The following RBM19 variants were observed in gnomAD, a reference collection of about 807,000 sequenced individuals.
RBM19 encodes probable RNA-binding protein 19.
Under a neutral mutation model 116.8 loss-of-function variants are expected in RBM19, and 94 were observed. The observed-to-expected ratio is 0.80, with a 90% CI of 0.68 to 0.95. RBM19 has a LOEUF of 0.95. Ranked by LOEUF, RBM19 falls within the 40% of genes least tolerant of loss-of-function variation. The pLI is 0.00. For missense variants in RBM19, 1,161 were observed against 1,220.7 expected (o/e 0.95, Z 0.73); for synonymous variants, 475 against 494.1 (o/e 0.96, Z 0.51).
rs1882914371 is a variant in RBM19 at position 113,918,449 on chromosome 12, TAA to T, written c.2386-4_2386-3del. The T allele has an allele frequency of 6.2e-7, 1 of 1,614,126 alleles. No homozygotes were observed. Among genetic ancestry groups the T allele is most frequent in the South Asian group, 1.1e-5 (1 of 91,074 alleles). ...CTTGTGGCCGTCCACGACGTGACCC[TAA>T]GAGAGAAGACAACATGGCTCATCTC... On this transcript the variant is annotated splice_polypyrimidine_tract_variant and splice_region_variant and intron_variant, in intron 19 of 23. Transcript: ENST00000261741.
intron 7 of RBM19, among the ~76,000 whole-genome samples, chr12:113,953,016 A>G (rs4503591): frequency 0.16 from 24,970 of 152,162 alleles, 2,795 homozygotes; most frequent in African/African-American, 0.32. Context: ...TGAATGGTTG[A>G]TACTGAAAGA....
intron 15 of RBM19, among the ~76,000 whole-genome samples, chr12:113,939,179 G>T (rs970708715): frequency 6.6e-6 from 1 of 152,138 alleles, no homozygotes; most frequent in Admixed American, 6.5e-5. Flanking sequence ...GGTGGTGCAT[G>T]CCTGTAGTCT....
chr12:113,837,810 G>A (rs143291804), intron 23 of RBM19, among the ~76,000 whole-genome samples: 4 of 152,302 alleles, frequency 2.6e-5, no homozygotes, highest in Admixed American at 6.5e-5. Flanking sequence ...AGAGGATTGC[G>A]ACAGTACAGT....
intron 2 of RBM19, among the ~76,000 whole-genome samples, chr12:113,960,663 C>T (rs572448646): frequency 6.6e-6 from 1 of 152,224 alleles, no homozygotes; most frequent in East Asian, 1.9e-4. Flanking sequence ...GTGAGGATGG[C>T]ATGAGATGAC....
At chr12:113,896,085 T>C (rs926082914) in intron 21 of RBM19, among the ~76,000 whole-genome samples, 1 of 152,082 alleles carries the variant, frequency 6.6e-6, no homozygotes, top group Non-Finnish European at 1.5e-5. Flanking sequence ...TAGGCTGTTT[T>C]TGAATGTCAA....
chr12:113,832,890 T>C (rs1199214569), intron 23 of RBM19, among the ~76,000 whole-genome samples: 1 of 152,204 alleles, frequency 6.6e-6, no homozygotes, highest in Non-Finnish European at 1.5e-5. Flanking sequence ...AAGGCTGACG[T>C]GGGGATAACG....
chr12:113,873,690 A>T (rs1337970891), intron 21 of RBM19, among the ~76,000 whole-genome samples: 880 of 28,098 alleles, frequency 0.031, 8 homozygotes, highest in African/African-American at 0.066. Context: ...AAAATAAATT[A>T]AAAAAAAAAA....
At chr12:113,923,259 G>T (rs1032740972) in intron 18 of RBM19, among the ~76,000 whole-genome samples, 1 of 152,156 alleles carries the variant, frequency 6.6e-6, no homozygotes, top group Non-Finnish European at 1.5e-5. Context: ...ATAGAAGGAG[G>T]ATGCCCTGTG....
Position 113,825,571 on chromosome 12 carries a change from G to A in RBM19, c.2786-2250C>T, listed in dbSNP as rs939815474. ...CCATCTGCTAATATGAGTTGGGGAT[G>A]GCAGCTCACTCCTGGGGCAGGGTCC... On this transcript the variant is annotated intron_variant, in intron 23 of 23. Coordinates refer to ENST00000261741, the MANE Select transcript of RBM19 (RefSeq NM_016196.4). The surrounding 1 kb of genome is among the most constrained non-coding windows in gnomAD (Gnocchi z 5.7). 6.6e-6 allele frequency among the ~76,000 whole-genome samples: 1 copy of A among 152,208 alleles called. No homozygotes were observed. The highest frequency in any genetic ancestry group is 1.5e-5 in the Non-Finnish European group (1 of 68,036).
intron 16 of RBM19, among the ~76,000 whole-genome samples, chr12:113,933,391 G>A (rs1348646156): frequency 1.3e-5 from 2 of 152,138 alleles, no homozygotes; most frequent in Non-Finnish European, 2.9e-5. Flanking sequence ...GCACCCGCCA[G>A]GAGGGGCTGT....
At chr12:113,877,670 G>A (rs745467156) in intron 21 of RBM19, among the ~76,000 whole-genome samples, 4 of 152,232 alleles carry the variant, frequency 2.6e-5, no homozygotes, top group Admixed American at 6.5e-5. Flanking sequence ...AGGCAGCAAC[G>A]AAAGCAAGAG....
At chr12:113,893,745 C>T (rs1343600066) in intron 21 of RBM19, among the ~76,000 whole-genome samples, 1 of 152,180 alleles carries the variant, frequency 6.6e-6, no homozygotes, top group East Asian at 1.9e-4. Context: ...ATATGGCAGC[C>T]TCTGCCATAT....
chr12:113,922,726 G>C (rs998032226), intron 18 of RBM19, among the ~76,000 whole-genome samples: 1 of 152,078 alleles, frequency 6.6e-6, no homozygotes, highest in Non-Finnish European at 1.5e-5. Context: ...CTGGAGAACA[G>C]GGATGTTAAG....
chr12:113,849,954 GGGA>G (rs1323559634), intron 22 of RBM19, among the ~76,000 whole-genome samples: 2 of 152,150 alleles, frequency 1.3e-5, no homozygotes, highest in Non-Finnish European at 2.9e-5. Context: ...GAGGGGAAGA[GGGA>G]GGAGAGAGGT....
intron 21 of RBM19, among the ~76,000 whole-genome samples, chr12:113,881,941 G>A (rs570915476): frequency 6.6e-6 from 1 of 152,340 alleles, no homozygotes; most frequent in South Asian, 2.1e-4. Context: ...CACCCATGGG[G>A]GTGCACACGC....
In RBM19 at chr12:113,952,544, C is replaced by G; in HGVS notation, c.968G>C (p.Arg323Pro). 2 of 1,613,972 alleles carry G rather than the reference C, an allele frequency of 1.2e-6. No individual in the cohort carries two copies. The highest frequency in any genetic ancestry group is 1.1e-5 in the South Asian group (1 of 91,048). The change falls in exon 8 of 24, where the codon CGA becomes CCA. Residue 323 changes from arginine to proline, a missense_variant. Transcript: ENST00000261741. ...ATTCCCATGAGCGTTTCTCACAATT[C>G]GAATGGCCACTGGTTTCAGGGGTGC... ...FLAPLKPVAI[R>P]IVRNAHGNKT...
At chr12:113,922,860 G>C (rs796175131) in intron 18 of RBM19, among the ~76,000 whole-genome samples, 16 of 152,300 alleles carry the variant, frequency 1.1e-4, no homozygotes, top group African/African-American at 3.8e-4. Flanking sequence ...CAGGCCAGGC[G>C]CGGAAGCTCA....
In RBM19 at chr12:113,933,079, T is replaced by G. The variant is rs917750020; in HGVS notation, c.2068+3928A>C. Among the ~76,000 whole-genome samples, 3 of 152,180 alleles carry G rather than the reference T, an allele frequency of 2.0e-5. No individual in the cohort carries two copies. In the Middle Eastern group the frequency reaches 0.01, roughly 518 times the overall value. ...AGGACCTCCCCCCACTCTGAGCCCTTTATCTGGAGGTGAGGGTCTTGGTTG... is the reference window on the plus strand; with the variant it reads ...AGGACCTCCCCCCACTCTGAGCCCTGTATCTGGAGGTGAGGGTCTTGGTTG... On this transcript the variant is annotated intron_variant, in intron 16 of 23. Transcript: ENST00000261741.
chr12:113,841,668 A>G (rs1876490897), intron 23 of RBM19, among the ~76,000 whole-genome samples: 1 of 151,514 alleles, frequency 6.6e-6, no homozygotes, highest in African/African-American at 2.4e-5. Flanking sequence ...CAAGTGATCC[A>G]CCCACCTCGG....
Sources: allele counts gnomAD v4.1 joint callset (sites outside exome capture counted in the v4.1 genomes callset), GRCh38; gene constraint gnomAD v4.1.1; non-coding constraint Gnocchi (gnomAD v3.1); transcripts MANE v1.5; gene names NCBI Gene and HGNC (gene_info 2026-07-23, HGNC 2026-07-21).